Variants in ANK3 observed in about 807,000 individuals in gnomAD.
ANK3 encodes ankyrin-3.
A neutral mutation model predicts 370.9 loss-of-function variants in ANK3; 57 were observed. The observed-to-expected ratio is 0.15, with a 90% CI of 0.12 to 0.19. ANK3 has a LOEUF of 0.19. ANK3 is among the 10% of genes least tolerant of loss of function. ANK3 has a pLI of 1.00. For missense variants in ANK3, 4,439 were observed against 5,302.1 expected (o/e 0.84, Z 5.06); for synonymous variants, 1,929 against 1,946.3 (o/e 0.99, Z 0.23).
intron 2 of ANK3, among the ~76,000 whole-genome samples, chr10:60,608,334 T>A (rs2078155856): frequency 6.6e-6 from 1 of 152,216 alleles, no homozygotes; most frequent in African/African-American, 2.4e-5. Context: ...TCAGGAAGTC[T>A]TTTTCTCCTT....
intron 2 of ANK3, among the ~76,000 whole-genome samples, chr10:60,536,061 A>T (rs1282563553): frequency 6.6e-6 from 1 of 152,126 alleles, no homozygotes; most frequent in Admixed American, 6.6e-5. Flanking sequence ...AAAGAATTCT[A>T]TGTGGTTGCA....
intron 1 of ANK3, among the ~76,000 whole-genome samples, chr10:60,365,290 A>G (rs1314776314): frequency 6.6e-6 from 1 of 152,096 alleles, no homozygotes; most frequent in Non-Finnish European, 1.5e-5. Flanking sequence ...ATACTTTCTT[A>G]TGAAGTTATA....
intron 2 of ANK3, among the ~76,000 whole-genome samples, chr10:60,493,227 T>A (rs17816562): frequency 0.13 from 19,792 of 152,054 alleles, 1,511 homozygotes; most frequent in African/African-American, 0.21. Context: ...ATTGCTAGAC[T>A]AATGGGAGTT....
chr10:60,115,544 T>G (rs966075355), intron 25 of ANK3, among the ~76,000 whole-genome samples: 13 of 152,170 alleles, frequency 8.5e-5, no homozygotes, highest in African/African-American at 3.1e-4. Flanking sequence ...AATAAGTGCT[T>G]TATAATAACT....
chr10:60,701,418 C>A (rs1174999560), intron 1 of ANK3, among the ~76,000 whole-genome samples: 1 of 150,076 alleles, frequency 6.7e-6, no homozygotes, highest in African/African-American at 2.5e-5. Flanking sequence ...GAAAAAAAAA[C>A]ATGAAAAGAT....
chr10:60,556,176 C>T (rs542442937), intron 2 of ANK3, among the ~76,000 whole-genome samples: 2 of 152,316 alleles, frequency 1.3e-5, no homozygotes, highest in Admixed American at 1.3e-4. Context: ...CTATTTGAGC[C>T]ATGGTTAAGT....
intron 1 of ANK3, among the ~76,000 whole-genome samples, chr10:60,330,379 T>C (rs984542575): frequency 1.3e-5 from 2 of 152,112 alleles, no homozygotes; most frequent in Non-Finnish European, 2.9e-5. Context: ...TTGCAATGTA[T>C]CCATCTGACA....
intron 1 of ANK3, among the ~76,000 whole-genome samples, chr10:60,320,277 G>A (rs1279972637): frequency 6.6e-6 from 1 of 152,200 alleles, no homozygotes; most frequent in Non-Finnish European, 1.5e-5. Flanking sequence ...CACGGCTCCA[G>A]CTCTCTCTGG....
intron 39 of ANK3, 72 bp downstream of exon 39, chr10:60,064,085 C>G: frequency 2.2e-6 from 3 of 1,380,776 alleles, no homozygotes; most frequent in Non-Finnish European, 1.9e-6. Context: ...TTGGATGAAC[C>G]TAACAGTTGG....
chr10:60,283,154 G>T (rs1206679285), intron 1 of ANK3, among the ~76,000 whole-genome samples: 1 of 152,034 alleles, frequency 6.6e-6, no homozygotes, highest in Non-Finnish European at 1.5e-5. Context: ...TAAGTGGCAG[G>T]GCAAATATTG....
Position 60,080,627 on chromosome 10 carries a change from G to GAAAA in ANK3, c.4351-13_4351-10dup. The GAAAA allele has an allele frequency of 8.3e-7, 1 of 1,211,376 alleles. No individual in the cohort carries two copies. The highest frequency in any genetic ancestry group is 1.1e-6 in the Non-Finnish European group (1 of 898,240). The allele number at this position is 1,211,376 out of a possible 1,614,324, so 75.0% of individuals were successfully genotyped here. On this transcript the variant is annotated splice_polypyrimidine_tract_variant and intron_variant, in intron 35 of 43. Transcript: ENST00000280772. Reference sequence around the variant, plus strand: ...CTATCTGTTTTCTCAATCTGAAAAGGAAAAAAAAAAAGACAACTCTATTTC... The same window carrying GAAAA: ...CTATCTGTTTTCTCAATCTGAAAAGGAAAAAAAAAAAAAAAGACAACTCTATTTC...
intron 2 of ANK3, among the ~76,000 whole-genome samples, chr10:60,465,151 G>A (rs2064980171): frequency 6.6e-6 from 1 of 152,020 alleles, no homozygotes; most frequent in Admixed American, 6.6e-5. Context: ...CAGCTACTCA[G>A]GAGGCTGAGG....
intron 2 of ANK3, among the ~76,000 whole-genome samples, chr10:60,462,380 G>C (rs2064907051): frequency 6.6e-6 from 1 of 152,086 alleles, no homozygotes; most frequent in Admixed American, 6.6e-5. Flanking sequence ...ATAACCCTGA[G>C]TGTAAAAGCA....
intron 5 of ANK3, among the ~76,000 whole-genome samples, 178 bp from the exon 6 acceptor site, chr10:60,264,198 T>C (rs930206811): frequency 2.6e-5 from 4 of 152,162 alleles, no homozygotes; most frequent in African/African-American, 9.7e-5. Context: ...AATTTATCTA[T>C]ACAAAGTAAA....
At chr10:60,114,447 A>C in intron 25 of ANK3, 116 bp from the exon 26 acceptor site, 1 of 468,004 alleles carries the variant, frequency 2.1e-6, no homozygotes, top group Admixed American at 4.2e-5. Context: ...CATTCAACAT[A>C]AATAATTTTT....
chr10:60,235,743 T>C (rs549119978), intron 7 of ANK3, among the ~76,000 whole-genome samples: 1 of 152,044 alleles, frequency 6.6e-6, no homozygotes, highest in Non-Finnish European at 1.5e-5. Flanking sequence ...AGTTCTGCTG[T>C]TCACAAAGAA....
At chr10:60,544,041 T>C (rs1039592247) in intron 2 of ANK3, among the ~76,000 whole-genome samples, 1 of 152,136 alleles carries the variant, frequency 6.6e-6, no homozygotes, top group Non-Finnish European at 1.5e-5. Flanking sequence ...TATTCCTCTC[T>C]GCCTGGCTTG....
intron 9 of ANK3, among the ~76,000 whole-genome samples, chr10:60,213,013 A>C (rs2096880743): frequency 6.6e-6 from 1 of 152,182 alleles, no homozygotes; most frequent in South Asian, 2.1e-4. Flanking sequence ...GCTAAGTGAT[A>C]TCCTTGACCT....
At chr10:60,358,105 CACACACACACACACAA>C (rs10529060) in intron 1 of ANK3, among the ~76,000 whole-genome samples, 37,176 of 111,080 alleles carry the variant, frequency 0.33, 4,681 homozygotes, top group South Asian at 0.49. Context: ...TGTATACACA[CACACACACACACACAA>C]ACACACACAC....
Sources: allele counts gnomAD v4.1 joint callset (sites outside exome capture counted in the v4.1 genomes callset), GRCh38; gene constraint gnomAD v4.1.1; transcripts MANE v1.5; gene names NCBI Gene and HGNC (gene_info 2026-07-23, HGNC 2026-07-21).